GCC2: variants seen among roughly 807,000 people sequenced by gnomAD.
GCC2 encodes GRIP and coiled-coil domain-containing protein 2.
GCC2 carries 120 observed loss-of-function variants against 210.6 expected under a neutral mutation model. That is an observed-to-expected ratio of 0.57 (90% CI 0.49 to 0.66). The LOEUF (loss-of-function observed/expected upper bound fraction) is 0.66, where lower values mean the gene tolerates loss of function less well. Ranked by LOEUF, GCC2 falls within the 30% of genes least tolerant of loss-of-function variation. The pLI, the probability that GCC2 is intolerant of heterozygous loss-of-function variation, is 0.00. For synonymous variants in GCC2, 703 were observed against 652.7 expected (o/e 1.08, Z -1.17); for missense variants, 1,868 against 1,871.9 (o/e 1.00, Z 0.04).
chr2:108,480,570 TA>T (rs201947044), intron 9 of GCC2, among the ~76,000 whole-genome samples: 108 of 151,936 alleles, frequency 7.1e-4, no homozygotes, highest in Non-Finnish European at 1.3e-3. Flanking sequence ...TACACAGCCA[TA>T]AAAAAAATAT....
chr2:108,504,350 G>T (rs937421331), intron 22 of GCC2, among the ~76,000 whole-genome samples: 2 of 152,008 alleles, frequency 1.3e-5, no homozygotes, highest in East Asian at 1.9e-4. Context: ...ATTAGCTTAG[G>T]GGGTAAAGTA....
At chr2:108,455,793 A>G (rs993540295) in intron 4 of GCC2, among the ~76,000 whole-genome samples, 8 of 152,172 alleles carry the variant, frequency 5.3e-5, no homozygotes, top group African/African-American at 1.9e-4. Flanking sequence ...TTGTGTATAT[A>G]TACCACATTT....
intron 16 of GCC2, 141 bp from the exon 17 acceptor site, chr2:108,487,558 G>T: frequency 1.3e-6 from 1 of 784,946 alleles, no homozygotes. Context: ...TTTTAGCAAG[G>T]TTAATCAAGA....
At chr2:108,484,501 T>C (rs1682029652) in intron 13 of GCC2, 190 bp downstream of exon 13, 2 of 381,606 alleles carry the variant, frequency 5.2e-6, no homozygotes, top group Non-Finnish European at 4.9e-6. Flanking sequence ...AGTCCATGCC[T>C]ATGTCCTGAA....
At chr2:108,462,992 A>G (rs1257201793) in intron 4 of GCC2, among the ~76,000 whole-genome samples, 1 of 151,734 alleles carries the variant, frequency 6.6e-6, no homozygotes, top group East Asian at 1.9e-4. Context: ...AAGCTTTTGA[A>G]TGTATTTTGT....
chr2:108,485,687 A>T lies in GCC2; in HGVS notation c.3665A>T (p.Lys1222Met). Residue 1222 changes from lysine (K) to methionine (M), a missense_variant, in exon 14 of 23, where the codon AAG becomes ATG. This residue lies in a region of GCC2 where 1,847 missense variants were observed against 1,765.2 expected (regional missense o/e 1.05). Transcript: ENST00000309863. Reference sequence around the variant, plus strand: ...TATGAAGAAAAAAACACCAAAATCAAGCAATTGCTTGTGAAAACCAAAAAG... The same window carrying T: ...TATGAAGAAAAAAACACCAAAATCATGCAATTGCTTGTGAAAACCAAAAAG... ...QQYEEKNTKI[K>M]QLLVKTKKEL... 6.3e-7 allele frequency: 1 copy of T among 1,598,892 alleles called. No individual in the cohort carries two copies. Among genetic ancestry groups the T allele is most frequent in the South Asian group, 1.1e-5 (1 of 88,030 alleles).
intron 21 of GCC2, among the ~76,000 whole-genome samples, chr2:108,497,742 T>G (rs1448943510): frequency 6.6e-6 from 1 of 152,116 alleles, no homozygotes; most frequent in Admixed American, 6.6e-5. Flanking sequence ...AATGAGGTAT[T>G]TCCACCCTGG....
chr2:108,450,488 T>C (rs970814648), intron 2 of GCC2, among the ~76,000 whole-genome samples: 2 of 152,272 alleles, frequency 1.3e-5, no homozygotes, highest in African/African-American at 4.8e-5. Context: ...TAACATTAGC[T>C]ATAAGAGGAT....
chr2:108,493,968 A>G (rs1682524570), intron 19 of GCC2: 1 of 977,836 alleles, frequency 1.0e-6, no homozygotes, highest in Non-Finnish European at 1.2e-6. Flanking sequence ...AATCTAGATT[A>G]CAATTCTGGT....
In GCC2 at chr2:108,484,289, A is replaced by G. The variant is rs1423306291; in HGVS notation, c.3591A>G (p.Gln1197=). 5 of 1,532,016 alleles carry G rather than the reference A, an allele frequency of 3.3e-6. No homozygotes were observed. Among genetic ancestry groups the G allele is most frequent in the Admixed American group, 2.2e-5 (1 of 46,198 alleles). The allele number at this position is 1,532,016 out of a possible 1,614,324, so 94.9% of individuals were successfully genotyped here. ...EQEIKIQKQK[Q]ETLQEEITSL... is the part of the protein sequence containing the mutation. ...AAATAAAAATTCAAAAACAGAAACA[A>G]GAAACCCTACAAGAAGAAATAAGTG... Residue 1197 remains glutamine (Q), a synonymous_variant, in exon 13 of 23, where the codon CAA becomes CAG. Coordinates refer to ENST00000309863, the MANE Select transcript of GCC2 (RefSeq NM_181453.4).
At chr2:108,491,768 T>A (rs940744991) in intron 18 of GCC2, among the ~76,000 whole-genome samples, 5 of 151,024 alleles carry the variant, frequency 3.3e-5, no homozygotes, top group African/African-American at 1.2e-4. Context: ...AAAGGAAATT[T>A]ATTTATTTAT....
chr2:108,483,045 T>C lies in GCC2; in HGVS notation c.3346-17T>C, dbSNP rs375012284. The C allele has an allele frequency of 3.6e-5, 50 of 1,397,830 alleles. No homozygotes were observed. Among genetic ancestry groups the C allele is most frequent in the Non-Finnish European group, 4.7e-5 (46 of 985,712 alleles). The allele number at this position is 1,397,830 out of a possible 1,614,324, so 86.6% of individuals were successfully genotyped here. On this transcript the variant is annotated splice_polypyrimidine_tract_variant and intron_variant, in intron 11 of 22. Transcript: ENST00000309863. ...TATTGGTTGGGTGGTGTGGGTTGTT[T>C]TTATTTTTAATTTCAGGAACATGCC...
intron 9 of GCC2, among the ~76,000 whole-genome samples, chr2:108,478,523 A>C (rs1453136518): frequency 6.6e-6 from 1 of 152,224 alleles, no homozygotes; most frequent in Non-Finnish European, 1.5e-5. Context: ...AGATCTGAAC[A>C]CACAGGAGTC....
At chr2:108,502,975 A>G (rs1683002341) in intron 22 of GCC2, among the ~76,000 whole-genome samples, 1 of 152,028 alleles carries the variant, frequency 6.6e-6, no homozygotes, top group Non-Finnish European at 1.5e-5. Context: ...AAGAAATTAC[A>G]CAGAATTCAG....
At chr2:108,476,302 C>G (rs773436995) in intron 9 of GCC2, among the ~76,000 whole-genome samples, 3 of 152,106 alleles carry the variant, frequency 2.0e-5, no homozygotes, top group Non-Finnish European at 2.9e-5. Flanking sequence ...TCGTGATCCA[C>G]CTACCTCGGC....
intron 4 of GCC2, among the ~76,000 whole-genome samples, chr2:108,453,771 C>G (rs997302947): frequency 7.2e-6 from 1 of 139,680 alleles, no homozygotes; most frequent in African/African-American, 2.6e-5. Context: ...GGCAACACAG[C>G]AAGACTCCGT....
At chr2:108,497,265 C>T (rs1305677170) in intron 21 of GCC2, among the ~76,000 whole-genome samples, 156 bp downstream of exon 21, 2 of 152,102 alleles carry the variant, frequency 1.3e-5, no homozygotes, top group East Asian at 1.9e-4. Context: ...TACAGGTGCC[C>T]GCCAACATGC....
chr2:108,468,084 C>A (rs1267330896), intron 4 of GCC2, among the ~76,000 whole-genome samples: 2 of 148,876 alleles, frequency 1.3e-5, no homozygotes, highest in Non-Finnish European at 3.0e-5. Flanking sequence ...TTTTTTGACA[C>A]ATAGTCTTGC....
chr2:108,464,313 A>G (rs1344268723), intron 4 of GCC2, among the ~76,000 whole-genome samples: 1 of 152,134 alleles, frequency 6.6e-6, no homozygotes, highest in African/African-American at 2.4e-5. Context: ...ACCCCTCTGC[A>G]TGGTTAGAAG....
Sources: gnomAD v4.1 joint callset for allele counts (sites outside exome capture counted in the v4.1 genomes callset) on GRCh38, gnomAD v4.1.1 for gene constraint, gnomAD v4.1.1 regional missense constraint, MANE v1.5 for transcripts, NCBI Gene and HGNC (gene_info 2026-07-23, HGNC 2026-07-21) for gene names.